MMP14: variants seen among roughly 807,000 people sequenced by gnomAD.
MMP14 encodes matrix metallopeptidase 14, also known as matrix metalloproteinase-14.
Under a neutral mutation model 64.8 loss-of-function variants are expected in MMP14, and 13 were observed. That is an observed-to-expected ratio of 0.20 (90% confidence interval 0.13 to 0.32). MMP14 has a LOEUF of 0.32. Ranked by LOEUF, MMP14 falls within the 10% of genes least tolerant of loss-of-function variation. The pLI is 1.00. For synonymous variants in MMP14, 322 were observed against 315.9 expected (o/e 1.02, Z -0.20); for missense variants, 594 against 783.8 (o/e 0.76, Z 2.89).
chr14:22,838,577 G>T lies in MMP14; in HGVS notation c.108+1652G>T, dbSNP rs17885048. ...GGGATACCTTGCATCTCTCTCATTC[G>T]CAAAGACAAAGCCAGCCGACTGGGT... On this transcript the variant is annotated intron_variant, in intron 1 of 9. Transcript: ENST00000311852. Among the ~76,000 whole-genome samples the T allele has an allele frequency of 7.6e-4, 115 of 152,292 alleles. 1 individual carries two copies. The South Asian group carries it at 0.023, about 30-fold the overall frequency.
rs746743029 is a variant in MMP14, at chr14:22,843,395, G to A, written c.827G>A (p.Arg276His). The change falls in exon 5 of 10, where the codon CGC (arginine) becomes CAC (histidine). Residue 276 changes from arginine to histidine, a missense_variant. Transcript: ENST00000311852. The surrounding 1 kb of genome is among the most constrained non-coding windows in gnomAD (Gnocchi z 4.8). Reference protein sequence around the residue: ...TENFVLPDDDRRGIQQLYGGE... With the variant: ...TENFVLPDDDHRGIQQLYGGE... ...AATTTTGTGCTGCCCGATGATGACC[G>A]CCGGGGCATCCAGCAACTTTATGGC... 79 of 1,613,554 alleles carry A rather than the reference G, an allele frequency of 4.9e-5. No homozygotes were observed. Among genetic ancestry groups the A allele is most frequent in the East Asian group, 1.8e-4 (8 of 44,876 alleles).
In MMP14 at chr14:22,844,650, G is replaced by A. The variant is rs375264361; in HGVS notation, c.1171G>A (p.Asp391Asn). The A allele has an allele frequency of 5.6e-6, 9 of 1,614,014 alleles. No individual in the cohort carries two copies. The highest frequency in any genetic ancestry group is 5.9e-6 in the Non-Finnish European group (7 of 1,180,034). ...CCCAGGAGACAAGCATTGGGTGTTTGATGAGGCGTCCCTGGAACCTGGCTA... is the reference window on the plus strand; with the variant it reads ...CCCAGGAGACAAGCATTGGGTGTTTAATGAGGCGTCCCTGGAACCTGGCTA... ...FFKGDKHWVF[D>N]EASLEPGYPK... The change falls in exon 8 of 10, where the codon GAT becomes AAT. Residue 391 changes from aspartate (D) to asparagine (N), a missense_variant. By Grantham distance (23) the Asp-to-Asn change is conservative (BLOSUM62 1). Around this residue, in one of 4 missense-constraint regions of MMP14, gnomAD observed 364 missense variants for 425.2 expected, o/e 0.86. Transcript: ENST00000311852.
At position 22,843,300 on chromosome 14, in the gene MMP14, C is replaced by T. The variant is rs2039786269; in HGVS notation, c.732C>T (p.Ala244=). The change falls in exon 5 of 10, where the codon GCC becomes GCT. Residue 244 remains alanine (A), a synonymous_variant. Transcript: ENST00000311852. The surrounding 1 kb of genome is among the most constrained non-coding windows in gnomAD (Gnocchi z 4.8). ...TGGCTGTGCACGAGCTGGGCCATGC[C>T]CTGGGGCTCGAGCATTCCAGTGACC... ...FLVAVHELGH[A]LGLEHSSDPS... is the part of the protein sequence containing the mutation. The T allele has an allele frequency of 1.9e-6, 3 of 1,614,100 alleles. No homozygotes were observed. Among genetic ancestry groups the T allele is most frequent in the African/African-American group, 2.7e-5 (2 of 75,066 alleles).
chr14:22,837,464 C>T (rs990594853), intron 1 of MMP14: 1 of 451,700 alleles, frequency 2.2e-6, no homozygotes. Context: ...GACGGCCGAG[C>T]GTCCAGGGCC....
intron 8 of MMP14, among the ~76,000 whole-genome samples, 176 bp from the exon 9 acceptor site, chr14:22,845,075 C>T (rs1032606087): frequency 1.3e-5 from 2 of 152,080 alleles, no homozygotes; most frequent in East Asian, 1.9e-4. Flanking sequence ...GCAGCCTGGG[C>T]CCTCCCTTCC....
rs375707032 is a variant in MMP14 at position 22,841,579 on chromosome 14, C to G, written c.197C>G (p.Ala66Gly). The G allele has an allele frequency of 1.2e-6, 2 of 1,614,042 alleles. No homozygotes were observed. Among genetic ancestry groups the G allele is most frequent in the Non-Finnish European group, 1.7e-6 (2 of 1,180,032 alleles). Reference protein sequence around the residue: ...RSPQSLSAAIAAMQKFYGLQV... With the variant: ...RSPQSLSAAIGAMQKFYGLQV... Reference sequence around the variant, plus strand: ...CCCCAGTCACTCTCAGCGGCCATCGCTGCCATGCAGAAGTTTTACGGCTTG... The same window carrying G: ...CCCCAGTCACTCTCAGCGGCCATCGGTGCCATGCAGAAGTTTTACGGCTTG... The change falls in exon 2 of 10, where the codon GCT becomes GGT. Residue 66 changes from alanine (A) to glycine (G), a missense_variant. Ala to Gly is a moderately conservative substitution (Grantham distance 60). Transcript: ENST00000311852.
At chr14:22,840,670 G>T (rs2877491) in intron 1 of MMP14, among the ~76,000 whole-genome samples, 5 of 152,118 alleles carry the variant, frequency 3.3e-5, no homozygotes, top group Middle Eastern at 3.4e-3. Flanking sequence ...CACCGTGCCC[G>T]GCTAATATTT....
At position 22,843,252 on chromosome 14, in the gene MMP14, T is replaced by G; in HGVS notation, c.689-5T>G. ...CTGCTATCGTCACTGTCCCCATCCT[T>G]CCAGGAAATGACATCTTCCTGGTGG... On this transcript the variant is annotated splice_region_variant and splice_polypyrimidine_tract_variant and intron_variant, in intron 4 of 9. Coordinates refer to ENST00000311852, the MANE Select transcript of MMP14 (RefSeq NM_004995.4). The surrounding 1 kb of genome is among the most constrained non-coding windows in gnomAD (Gnocchi z 4.8). 1 of 1,612,728 alleles carries G rather than the reference T, an allele frequency of 6.2e-7. No individual in the cohort carries two copies. The highest frequency in any genetic ancestry group is 8.5e-7 in the Non-Finnish European group (1 of 1,179,144).
intron 1 of MMP14, among the ~76,000 whole-genome samples, chr14:22,841,138 A>G (rs1471397360): frequency 6.6e-6 from 1 of 152,258 alleles, no homozygotes; most frequent in Non-Finnish European, 1.5e-5. Flanking sequence ...GGAACATGCT[A>G]TATTTGTAAG....
At position 22,843,381 on chromosome 14, in the gene MMP14, G is replaced by A; in HGVS notation, c.813G>A (p.Leu271=). The part of the protein sequence containing the change: ...YQWMDTENFV[L]PDDDRRGIQQ... ...GGATGGACACGGAGAATTTTGTGCT[G>A]CCCGATGATGACCGCCGGGGCATCC... The change falls in exon 5 of 10, where the codon CTG becomes CTA. Residue 271 remains leucine, a synonymous_variant. Transcript: ENST00000311852. This position sits in a 1 kb window ranked among gnomAD's most constrained non-coding sequence, Gnocchi z 4.8. The A allele has an allele frequency of 1.2e-6, 2 of 1,613,938 alleles. No homozygotes were observed. Among genetic ancestry groups the A allele is most frequent in the East Asian group, 2.2e-5 (1 of 44,872 alleles).
rs1462777211 is a variant in MMP14 at position 22,836,804 on chromosome 14, G to T, written c.-14G>T. On this transcript the variant is annotated 5_prime_UTR_variant, in exon 1 of 10. Coordinates refer to ENST00000311852, the MANE Select transcript of MMP14 (RefSeq NM_004995.4). ...GGAGCCCACACTGCCCGGCTGACCCGGTGGTCTCGGACCATGTCTCCCGCC... is the reference window on the plus strand; with the variant it reads ...GGAGCCCACACTGCCCGGCTGACCCTGTGGTCTCGGACCATGTCTCCCGCC... 1 of 1,558,710 alleles carries T rather than the reference G, an allele frequency of 6.4e-7. No homozygotes were observed. The highest frequency in any genetic ancestry group is 8.8e-7 in the Non-Finnish European group (1 of 1,140,244).
Position 22,845,754 on chromosome 14 carries a change from C to A in MMP14, c.1464C>A (p.Asn488Lys). The A allele has an allele frequency of 6.2e-7, 1 of 1,614,154 alleles. No individual in the cohort carries two copies. Among genetic ancestry groups the A allele is most frequent in the Non-Finnish European group, 8.5e-7 (1 of 1,180,058 alleles). ...YKGNKYWKFN[N>K]QKLKVEPGYP... The stretch of plus-strand genomic sequence containing the variant: ...GGAACAAATACTGGAAATTCAACAA[C>A]CAGAAGCTGAAGGTAGAACCGGGCT... The change falls in exon 10 of 10, where the codon AAC (asparagine) becomes AAA (lysine). Residue 488 changes from asparagine to lysine, a missense_variant. Around this residue, in one of 4 missense-constraint regions of MMP14, gnomAD observed 364 missense variants for 425.2 expected, o/e 0.86. Coordinates refer to ENST00000311852, the MANE Select transcript of MMP14 (RefSeq NM_004995.4).
chr14:22,844,264 AAAAAC>A, intron 6 of MMP14, 102 bp from the exon 7 acceptor site: 2 of 1,517,884 alleles, frequency 1.3e-6, no homozygotes, highest in Non-Finnish European at 1.8e-6. Context: ...CAGCTGGACT[AAAAAC>A]TAAAACTGAG....
chr14:22,842,625 T>TGGCCCATGCCTACTTCCCA lies in MMP14; in HGVS notation c.602_620dup (p.Asn208CysfsTer15). On this transcript the variant is annotated frameshift_variant, in exon 4 of 10. Transcript: ENST00000311852. LOFTEE classifies it high-confidence loss of function. The surrounding 1 kb of genome is among the most constrained non-coding windows in gnomAD (Gnocchi z 5.3). ...CCCTTCGATGGTGAGGGCGGCTTCCTGGCCCATGCCTACTTCCCAGGCCCC... is the reference window on the plus strand; with the variant it reads ...CCCTTCGATGGTGAGGGCGGCTTCCTGGCCCATGCCTACTTCCCAGGCCCATGCCTACTTCCCAGGCCCC... 6.2e-7 allele frequency: 1 copy of TGGCCCATGCCTACTTCCCA among 1,614,204 alleles called. No homozygotes were observed. Among genetic ancestry groups the TGGCCCATGCCTACTTCCCA allele is most frequent in the South Asian group, 1.1e-5 (1 of 91,078 alleles).
At chr14:22,838,171 T>G (rs2039748417) in intron 1 of MMP14, among the ~76,000 whole-genome samples, 1 of 152,104 alleles carries the variant, frequency 6.6e-6, no homozygotes, top group Non-Finnish European at 1.5e-5. Flanking sequence ...CCTGCCCTGG[T>G]GCTGGAGGCT....
Position 22,842,398 on chromosome 14 carries a change from G to T in MMP14, c.381-12G>T, listed in dbSNP as rs771764540. 3 of 1,603,268 alleles carry T rather than the reference G, an allele frequency of 1.9e-6. No individual in the cohort carries two copies. In the South Asian group the frequency reaches 3.3e-5, roughly 18 times the overall value. On this transcript the variant is annotated splice_polypyrimidine_tract_variant and intron_variant, in intron 3 of 9. Transcript: ENST00000311852. The surrounding 1 kb of genome is among the most constrained non-coding windows in gnomAD (Gnocchi z 5.3). ...ACACACCCCATCCTCTCCCCACGTG[G>T]CTGGACCTCAGCATCCAGAATTACA...
At chr14:22,840,677 AT>A (rs1159669228) in intron 1 of MMP14, among the ~76,000 whole-genome samples, 2 of 151,720 alleles carry the variant, frequency 1.3e-5, no homozygotes, top group Non-Finnish European at 2.9e-5. Context: ...CCCGGCTAAT[AT>A]TTTTTGTATT....
At position 22,842,298 on chromosome 14, in the gene MMP14, A is replaced by G; in HGVS notation, c.381-112A>G. The G allele has an allele frequency of 8.1e-7, 1 of 1,238,414 alleles. No individual in the cohort carries two copies. The highest frequency in any genetic ancestry group is 1.1e-6 in the Non-Finnish European group (1 of 883,502). 76.7% of individuals were successfully genotyped at this position (1,238,414 alleles called of 1,614,324 possible). On this transcript the variant is annotated intron_variant, in intron 3 of 9. Coordinates refer to ENST00000311852, the MANE Select transcript of MMP14 (RefSeq NM_004995.4). This position sits in a 1 kb window ranked among gnomAD's most constrained non-coding sequence, Gnocchi z 5.3. ...ATGAGGTAGCAGGAAGAGCTGGGTC[A>G]GGCAGAGGTGGCTGGGCCGCGCAGT...
In MMP14 at chr14:22,842,264, G is replaced by A; in HGVS notation, c.381-146G>A. 2 of 1,051,612 alleles carry A rather than the reference G, an allele frequency of 1.9e-6. No homozygotes were observed. Among genetic ancestry groups the A allele is most frequent in the Non-Finnish European group, 2.7e-6 (2 of 728,184 alleles). The allele number at this position is 1,051,612 out of a possible 1,614,324, so 65.1% of individuals were successfully genotyped here. A position where few individuals can be genotyped will look rare whatever the true frequency, so the allele number is the denominator to read the frequency against. On this transcript the variant is annotated intron_variant, in intron 3 of 9. Transcript: ENST00000311852. This position sits in a 1 kb window ranked among gnomAD's most constrained non-coding sequence, Gnocchi z 5.3. ...AGGATCCCTTGTTCTTGAGACAGAG[G>A]CGTTGCGCATGAGGTAGCAGGAAGA...
Sources: allele counts gnomAD v4.1 joint callset (sites outside exome capture counted in the v4.1 genomes callset), GRCh38; gene constraint gnomAD v4.1.1; regional missense constraint gnomAD v4.1.1; non-coding constraint Gnocchi (gnomAD v3.1); transcripts MANE v1.5; gene names NCBI Gene and HGNC (gene_info 2026-07-23, HGNC 2026-07-21).